The following DENND1A variants were observed in gnomAD, a reference collection of about 807,000 sequenced individuals.
DENND1A encodes DENN domain-containing protein 1A.
A neutral mutation model predicts 113.7 loss-of-function variants in DENND1A; 51 were observed. The ratio of observed to expected loss-of-function variants is 0.45; its 90% CI spans 0.36 to 0.57. DENND1A has a LOEUF of 0.57. Ranked by LOEUF, DENND1A falls within the 20% of genes least tolerant of loss-of-function variation. The probability of loss-of-function intolerance (pLI) is 0.00; values close to 1 mark genes in which losing one functional copy is unlikely to be tolerated. For missense variants in DENND1A, 1,258 were observed against 1,395.9 expected (o/e 0.90, Z 1.57); for synonymous variants, 565 against 570.8 (o/e 0.99, Z 0.14).
intron 13 of DENND1A, among the ~76,000 whole-genome samples, chr9:123,504,268 C>T (rs1482164605): frequency 6.6e-6 from 1 of 152,154 alleles, no homozygotes; most frequent in Non-Finnish European, 1.5e-5. Flanking sequence ...ACACCTGCCC[C>T]TCACCTCATC....
At chr9:123,708,314 T>C (rs1448155093) in intron 5 of DENND1A, among the ~76,000 whole-genome samples, 1 of 152,168 alleles carries the variant, frequency 6.6e-6, no homozygotes, top group Non-Finnish European at 1.5e-5. Context: ...ATATATGTAA[T>C]AATTATGTAT....
At chr9:123,412,894 C>T (rs368140286) in intron 19 of DENND1A, among the ~76,000 whole-genome samples, 19 of 152,342 alleles carry the variant, frequency 1.2e-4, no homozygotes, top group African/African-American at 4.3e-4. Flanking sequence ...GAGCCAATGT[C>T]CCATGTGTCT....
intron 2 of DENND1A, among the ~76,000 whole-genome samples, chr9:123,872,782 T>C (rs1846847285): frequency 6.6e-6 from 1 of 152,180 alleles, no homozygotes; most frequent in Non-Finnish European, 1.5e-5. Flanking sequence ...AAATATAACA[T>C]ACCACAGTAT....
intron 9 of DENND1A, among the ~76,000 whole-genome samples, chr9:123,631,322 G>A (rs2061466241): frequency 6.6e-6 from 1 of 151,866 alleles, no homozygotes; most frequent in African/African-American, 2.4e-5. Flanking sequence ...TGAACATTTT[G>A]TCATATGTTT....
chr9:123,925,683 C>T (rs1179832877), intron 1 of DENND1A, among the ~76,000 whole-genome samples: 4 of 152,118 alleles, frequency 2.6e-5, no homozygotes, highest in African/African-American at 9.7e-5. Flanking sequence ...TGTGCTTAAT[C>T]TTCTTAGTTC....
intron 10 of DENND1A, among the ~76,000 whole-genome samples, 162 bp from the exon 11 acceptor site, chr9:123,609,643 C>T (rs765813427): frequency 4.6e-5 from 7 of 152,262 alleles, no homozygotes; most frequent in African/African-American, 7.2e-5. Flanking sequence ...TGTTCCCAAG[C>T]CTAGAAACTT....
At chr9:123,812,069 CA>C (rs1230281328) in intron 2 of DENND1A, among the ~76,000 whole-genome samples, 20 of 152,128 alleles carry the variant, frequency 1.3e-4, no homozygotes, top group Non-Finnish European at 2.2e-4. Flanking sequence ...CCCCTTATCC[CA>C]TTATCCTCCT....
chr9:123,410,484 T>G (rs1459777720), intron 20 of DENND1A, among the ~76,000 whole-genome samples: 1 of 152,174 alleles, frequency 6.6e-6, no homozygotes, highest in Non-Finnish European at 1.5e-5. Context: ...GGATCCACGG[T>G]CACGTGTGGC....
At chr9:123,722,528 G>GA (rs1430093650) in intron 5 of DENND1A, among the ~76,000 whole-genome samples, 1 of 152,078 alleles carries the variant, frequency 6.6e-6, no homozygotes. Context: ...GGTTTAGGAG[G>GA]AAAAAATGGT....
intron 11 of DENND1A, among the ~76,000 whole-genome samples, chr9:123,594,426 C>T (rs2043852445): frequency 6.6e-6 from 1 of 152,080 alleles, no homozygotes. Context: ...AATCACATGG[C>T]TAAGAAACAC....
At chr9:123,797,467 C>G (rs1044145141) in intron 2 of DENND1A, among the ~76,000 whole-genome samples, 4 of 152,022 alleles carry the variant, frequency 2.6e-5, no homozygotes, top group African/African-American at 9.7e-5. Context: ...CAAAATACAC[C>G]CAGAAATAAG....
intron 3 of DENND1A, among the ~76,000 whole-genome samples, chr9:123,787,688 T>G (rs1301011424): frequency 2.6e-5 from 4 of 152,160 alleles, no homozygotes; most frequent in Admixed American, 2.0e-4. Context: ...TTTGTTCCTT[T>G]TTAGTATATA....
intron 13 of DENND1A, among the ~76,000 whole-genome samples, chr9:123,465,071 C>T (rs984995458): frequency 2.7e-5 from 4 of 149,990 alleles, no homozygotes; most frequent in Non-Finnish European, 5.9e-5. Context: ...CAGCCAGCTA[C>T]TCGAGAGGCT....
At chr9:123,697,878 A>T (rs187242435) in intron 5 of DENND1A, among the ~76,000 whole-genome samples, 1 of 152,340 alleles carries the variant, frequency 6.6e-6, no homozygotes, top group African/African-American at 2.4e-5. Flanking sequence ...TGAAAGTGAA[A>T]AGACATTCTA....
chr9:123,600,677 T>G (rs1464644891), intron 11 of DENND1A, among the ~76,000 whole-genome samples: 1 of 152,138 alleles, frequency 6.6e-6, no homozygotes, highest in Non-Finnish European at 1.5e-5. Flanking sequence ...ACAAAGGAGT[T>G]TGCTTAGGCC....
chr9:123,661,572 G>T (rs2063236365), intron 8 of DENND1A, among the ~76,000 whole-genome samples: 1 of 152,168 alleles, frequency 6.6e-6, no homozygotes, highest in South Asian at 2.1e-4. Flanking sequence ...AGCCACACTA[G>T]TTCCAAGCTC....
chr9:123,699,643 G>T lies in DENND1A; in HGVS notation c.303-22854C>A, dbSNP rs528391182. The stretch of plus-strand genomic sequence containing the variant: ...TTTTTTTCCCTGCGGATACCCAACT[G>T]CTCCATCGACATTTTTTAATAGACT... On this transcript the variant is annotated intron_variant, in intron 5 of 23. Transcript: ENST00000394215. Among the ~76,000 whole-genome samples, 70 of 145,450 alleles carry T rather than the reference G, an allele frequency of 4.8e-4. 2 individuals carry two copies. The South Asian group carries it at 0.015, about 31-fold the overall frequency.
rs1331638970 is a variant in DENND1A, at chr9:123,382,498, G to C, written c.2147C>G (p.Ala716Gly). 2 of 1,613,992 alleles carry C rather than the reference G, an allele frequency of 1.2e-6. No individual in the cohort carries two copies. The highest frequency in any genetic ancestry group is 4.5e-5 in the East Asian group (2 of 44,866). Residue 716 changes from alanine (A) to glycine (G), a missense_variant, in exon 24 of 24, where the codon GCC becomes GGC. By Grantham distance (60) the Ala-to-Gly change is moderately conservative. This residue lies in a region of DENND1A where 1,159 missense variants were observed against 1,231.7 expected (regional missense o/e 0.94). Coordinates refer to ENST00000394215, the MANE Select transcript of DENND1A (RefSeq NM_001352964.2). ...CAGGGCTGAGGGCTTCTCAGGGGAG[G>C]CAGCTGGGGGCTTGCTGGGGATGGC... is the stretch of plus-strand genomic sequence containing the variant. The part of the protein sequence containing the change: ...DMAIPSKPPA[A>G]SPEKPSALLG...
intron 4 of DENND1A, among the ~76,000 whole-genome samples, chr9:123,765,125 C>T (rs2071359674): frequency 6.6e-6 from 1 of 152,092 alleles, no homozygotes; most frequent in Non-Finnish European, 1.5e-5. Context: ...TACTTCTCTA[C>T]AATAAATATA....
Sources: allele counts gnomAD v4.1 joint callset (sites outside exome capture counted in the v4.1 genomes callset), GRCh38; gene constraint gnomAD v4.1.1; regional missense constraint gnomAD v4.1.1; transcripts MANE v1.5; gene names NCBI Gene and HGNC (gene_info 2026-07-23, HGNC 2026-07-21).